The following SND1 variants were observed in gnomAD, a reference collection of about 807,000 sequenced individuals.
SND1 encodes the protein staphylococcal nuclease domain-containing protein 1.
In SND1, 38 loss-of-function variants were observed where a neutral mutation model predicts 121.7. That is an observed-to-expected ratio of 0.31 (90% CI 0.24 to 0.41). SND1 has a LOEUF of 0.41. Among genes scored for constraint, SND1 ranks in the 10% least tolerant of loss-of-function variants. SND1 has a pLI of 1.00. For missense variants in SND1, 868 were observed against 1,184.6 expected (o/e 0.73, Z 3.92); for synonymous variants, 401 against 447.4 (o/e 0.90, Z 1.31).
intron 10 of SND1, among the ~76,000 whole-genome samples, chr7:127,802,125 G>T (rs958735824): frequency 1.3e-5 from 2 of 152,038 alleles, no homozygotes; most frequent in African/African-American, 4.8e-5. Flanking sequence ...GATTACAGGC[G>T]TGAACCACCG....
chr7:127,680,631 T>C (rs1795705458), intron 1 of SND1, among the ~76,000 whole-genome samples: 1 of 152,020 alleles, frequency 6.6e-6, no homozygotes, highest in Non-Finnish European at 1.5e-5. Context: ...TTCTCTCTCT[T>C]GTTCCCTGAA....
chr7:127,791,141 C>CTTTTT (rs66878881), intron 10 of SND1, among the ~76,000 whole-genome samples: 2 of 110,852 alleles, frequency 1.8e-5, no homozygotes, highest in African/African-American at 6.8e-5. Flanking sequence ...TTTACCTCTC[C>CTTTTT]TTTTTTTTTT....
At position 127,676,238 on chromosome 7, in the gene SND1, C is replaced by T. The variant is rs186846079; in HGVS notation, c.79-10375C>T. On this transcript the variant is annotated intron_variant, in intron 1 of 23. Transcript: ENST00000354725. ...GGGTCCCTGTCCTGCTTCCTCAGGG[C>T]ATTGTTGTGAGGATGAGGAGGGGAG... Among the ~76,000 whole-genome samples the T allele has an allele frequency of 8.9e-4, 136 of 152,132 alleles. 1 individual carries two copies. The highest frequency in any genetic ancestry group is 2.1e-4 in the Non-Finnish European group (14 of 67,982).
At chr7:127,989,635 A>G (rs1563080461) in intron 15 of SND1, among the ~76,000 whole-genome samples, 1 of 151,984 alleles carries the variant, frequency 6.6e-6, no homozygotes. Context: ...AATAAAAGGT[A>G]GCACCTCTTA....
At chr7:128,012,219 T>G (rs1408000547) in intron 16 of SND1, among the ~76,000 whole-genome samples, 2 of 152,168 alleles carry the variant, frequency 1.3e-5, no homozygotes, top group Non-Finnish European at 2.9e-5. Flanking sequence ...GGGGACAGGA[T>G]GGCACAAAGA....
chr7:128,042,498 G>A (rs1792873598), intron 16 of SND1: 1 of 152,416 alleles, frequency 6.6e-6, no homozygotes, highest in South Asian at 2.1e-4. Context: ...AACATGAACA[G>A]ACCAACCAGC....
chr7:127,736,672 T>C (rs1477276150), intron 10 of SND1, among the ~76,000 whole-genome samples: 1 of 152,230 alleles, frequency 6.6e-6, no homozygotes, highest in Non-Finnish European at 1.5e-5. Context: ...CAGTACACTC[T>C]CTAATCACCT....
chr7:127,765,283 T>A (rs1797391242), intron 10 of SND1, among the ~76,000 whole-genome samples: 1 of 152,180 alleles, frequency 6.6e-6, no homozygotes, highest in South Asian at 2.1e-4. Context: ...ATTGAGCATT[T>A]CTGATTTGCA....
intron 11 of SND1, among the ~76,000 whole-genome samples, chr7:127,825,833 A>G (rs1419978041): frequency 6.6e-6 from 1 of 152,194 alleles, no homozygotes; most frequent in Non-Finnish European, 1.5e-5. Flanking sequence ...TTCAAATAAC[A>G]TTTTGGTGTA....
chr7:127,758,543 AT>A (rs1476904707), intron 10 of SND1, among the ~76,000 whole-genome samples: 3 of 152,322 alleles, frequency 2.0e-5, no homozygotes, highest in African/African-American at 7.2e-5. Flanking sequence ...TTTTGTTGCT[AT>A]AATATTTTCA....
At chr7:128,088,783 C>CA (rs1434383620) in intron 21 of SND1, among the ~76,000 whole-genome samples, 2 of 151,252 alleles carry the variant, frequency 1.3e-5, no homozygotes, top group Non-Finnish European at 2.9e-5. Flanking sequence ...AAAAAAAAGA[C>CA]AGAGACACAG....
chr7:127,701,154 A>C lies in SND1; in HGVS notation c.429-9A>C. Reference sequence around the variant, plus strand: ...CACTAACCACTCTTGTTTATTTTTTATGTCCCAGTCCTGAGCAGAACCGGC... The same window carrying C: ...CACTAACCACTCTTGTTTATTTTTTCTGTCCCAGTCCTGAGCAGAACCGGC... On this transcript the variant is annotated splice_polypyrimidine_tract_variant and intron_variant, in intron 4 of 23. Coordinates refer to ENST00000354725, the MANE Select transcript of SND1 (RefSeq NM_014390.4). 6.2e-7 allele frequency: 1 copy of C among 1,612,200 alleles called. No homozygotes were observed. Among genetic ancestry groups the C allele is most frequent in the Non-Finnish European group, 8.5e-7 (1 of 1,179,378 alleles).
intron 10 of SND1, among the ~76,000 whole-genome samples, chr7:127,764,467 G>A (rs920861035): frequency 3.3e-5 from 5 of 152,198 alleles, no homozygotes; most frequent in African/African-American, 1.2e-4. Context: ...TGGTGTTGCT[G>A]TATTGCAGAT....
In SND1 at chr7:128,085,153, C is replaced by A. The variant is rs574049466; in HGVS notation, c.2234+306C>A. Among the ~76,000 whole-genome samples, 35 of 152,282 alleles carry A rather than the reference C, an allele frequency of 2.3e-4. No homozygotes were observed. The highest frequency in any genetic ancestry group is 7.7e-4 in the African/African-American group (32 of 41,570). On this transcript the variant is annotated intron_variant, in intron 19 of 23. Coordinates refer to ENST00000354725, the MANE Select transcript of SND1 (RefSeq NM_014390.4). This position sits in a 1 kb window ranked among gnomAD's most constrained non-coding sequence, Gnocchi z 4.4. ...CAGGCTGTCCAGCACACCCCTCACC[C>A]CACCCAGGAAGAATGATGTTACAGG...
chr7:127,680,594 C>T (rs1467694076), intron 1 of SND1, among the ~76,000 whole-genome samples: 4 of 151,858 alleles, frequency 2.6e-5, no homozygotes, highest in Admixed American at 1.3e-4. Flanking sequence ...CTGTTCCGCC[C>T]GGCTCACCGG....
intron 13 of SND1, among the ~76,000 whole-genome samples, chr7:127,895,694 G>C (rs2116747039): frequency 6.6e-6 from 1 of 152,198 alleles, no homozygotes; most frequent in Admixed American, 6.5e-5. Context: ...AGCTGAACGT[G>C]GGGAAATTTA....
At chr7:127,858,616 A>ATCT in intron 12 of SND1, 1 of 294,964 alleles carries the variant, frequency 3.4e-6, no homozygotes, top group South Asian at 6.2e-5. Flanking sequence ...AGGGAACAAA[A>ATCT]ACACCACTCT....
intron 16 of SND1, among the ~76,000 whole-genome samples, chr7:128,058,976 C>T (rs958059880): frequency 2.0e-5 from 3 of 152,162 alleles, no homozygotes; most frequent in African/African-American, 2.4e-5. Context: ...TGCACCTTCT[C>T]CTGGCTTCTG....
chr7:127,754,347 C>A (rs1797156591), intron 10 of SND1, among the ~76,000 whole-genome samples: 1 of 152,152 alleles, frequency 6.6e-6, no homozygotes, highest in Non-Finnish European at 1.5e-5. Context: ...AGTATCCTTG[C>A]CAGAACCAAA....
Sources: gnomAD v4.1 joint callset for allele counts (sites outside exome capture counted in the v4.1 genomes callset) on GRCh38, gnomAD v4.1.1 for gene constraint, Gnocchi (gnomAD v3.1) non-coding constraint, MANE v1.5 for transcripts, NCBI Gene and HGNC (gene_info 2026-07-23, HGNC 2026-07-21) for gene names.